Variants in LGMN observed in about 807,000 individuals in gnomAD.
LGMN encodes asparaginyl endopeptidase.
Under a neutral mutation model 56.8 loss-of-function variants are expected in LGMN, and 36 were observed. The ratio of observed to expected loss-of-function variants is 0.63; its 90% CI spans 0.49 to 0.84. The LOEUF is 0.84. LGMN is among the 40% of genes least tolerant of loss of function. The pLI is 0.00. For synonymous variants in LGMN, 199 were observed against 210.1 expected (o/e 0.95, Z 0.46); for missense variants, 446 against 556.1 (o/e 0.80, Z 1.99).
intron 2 of LGMN, among the ~76,000 whole-genome samples, chr14:92,731,861 AG>A (rs1185377469): frequency 3.3e-5 from 5 of 152,214 alleles, no homozygotes; most frequent in African/African-American, 1.2e-4. Flanking sequence ...TTAAATTTTG[AG>A]GAACTGCCAG....
rs118128989 is a variant in LGMN, at chr14:92,718,784, C to T, written c.199G>A (p.Val67Ile). The T allele has an allele frequency of 6.6e-4, 1,057 of 1,613,212 alleles. 21 individuals carry two copies. The East Asian group carries it at 0.021, about 32-fold the overall frequency. ...HRNGIPDEQI[V>I]VMMYDDIAYS... The stretch of plus-strand genomic sequence containing the variant: ...GCAATGTCATCGTACATCATCACAA[C>T]GATCTGTTCGTCAGGAATCCCATTG... The change falls in exon 3 of 14, where the codon GTT becomes ATT. Residue 67 changes from valine (V) to isoleucine (I), a missense_variant. Physicochemically the swap from Val to Ile is conservative, Grantham distance 29. Transcript: ENST00000334869.
chr14:92,743,568 A>G (rs1891668775), intron 1 of LGMN, among the ~76,000 whole-genome samples: 1 of 152,016 alleles, frequency 6.6e-6, no homozygotes, highest in African/African-American at 2.4e-5. Flanking sequence ...TTGAGAGGCC[A>G]AGGTGGGTGG....
At chr14:92,745,796 C>G (rs1271657765) in intron 1 of LGMN, among the ~76,000 whole-genome samples, 1 of 152,018 alleles carries the variant, frequency 6.6e-6, no homozygotes, top group Admixed American at 6.6e-5. Flanking sequence ...CAAAGATACA[C>G]TTGCAACCCA....
At chr14:92,729,713 G>A (rs1264379942) in intron 2 of LGMN, among the ~76,000 whole-genome samples, 2 of 152,196 alleles carry the variant, frequency 1.3e-5, no homozygotes, top group African/African-American at 4.8e-5. Flanking sequence ...AATCTGCCTA[G>A]GTTCTGTGGA....
rs188585506 is a variant in LGMN at position 92,747,510 on chromosome 14, A to T, written c.-30+979T>A. Among the ~76,000 whole-genome samples, 430 of 152,264 alleles carry T rather than the reference A, an allele frequency of 2.8e-3. 1 individual carries two copies. The highest frequency in any genetic ancestry group is 6.4e-3 in the Admixed American group (98 of 15,288). On this transcript the variant is annotated intron_variant, in intron 1 of 13. Coordinates refer to ENST00000334869, the MANE Select transcript of LGMN (RefSeq NM_005606.7). ...GTCTCAAAAACAAAACAAAACAAACAAACAGAAAAACACATAAACTCCACT... is the reference window on the plus strand; with the variant it reads ...GTCTCAAAAACAAAACAAAACAAACTAACAGAAAAACACATAAACTCCACT...
intron 1 of LGMN, among the ~76,000 whole-genome samples, chr14:92,734,247 T>C (rs1224416145): frequency 6.6e-6 from 1 of 152,230 alleles, no homozygotes; most frequent in African/African-American, 2.4e-5. Flanking sequence ...ACTGTCAGCG[T>C]TGGCCAGAGC....
chr14:92,712,066 G>T, intron 8 of LGMN, 111 bp from the exon 9 acceptor site: 1 of 817,972 alleles, frequency 1.2e-6, no homozygotes, highest in Non-Finnish European at 2.1e-6. Flanking sequence ...TGCTACTTAT[G>T]ATCCACACAG....
chr14:92,715,585 G>T (rs1890032584), intron 5 of LGMN, among the ~76,000 whole-genome samples: 1 of 152,144 alleles, frequency 6.6e-6, no homozygotes, highest in Non-Finnish European at 1.5e-5. Context: ...TATGCTACTA[G>T]AATCTCTGGC....
At chr14:92,734,121 CACTT>C (rs1341989153) in intron 1 of LGMN, among the ~76,000 whole-genome samples, 1 of 152,216 alleles carries the variant, frequency 6.6e-6, no homozygotes, top group African/African-American at 2.4e-5. Flanking sequence ...CTTTGCATCA[CACTT>C]ACAGAGCATG....
chr14:92,730,475 G>A (rs1395898938), intron 2 of LGMN, among the ~76,000 whole-genome samples: 1 of 152,106 alleles, frequency 6.6e-6, no homozygotes, highest in African/African-American at 2.4e-5. Flanking sequence ...GAGCGCAGTG[G>A]CTATGCACAG....
chr14:92,717,528 A>G (rs893142919), intron 3 of LGMN, 67 bp from the exon 4 acceptor site: 73 of 1,143,132 alleles, frequency 6.4e-5, no homozygotes, highest in Admixed American at 3.5e-5. Flanking sequence ...CTTCAAACAC[A>G]TGTATGTTAT....
intron 1 of LGMN, chr14:92,733,617 A>G (rs993878531): frequency 1.3e-5 from 2 of 152,142 alleles, no homozygotes; most frequent in Admixed American, 6.5e-5. Context: ...TCAAGACCAG[A>G]CTGGCCAACA....
chr14:92,724,578 C>T (rs1036148225), intron 2 of LGMN, among the ~76,000 whole-genome samples: 14 of 152,170 alleles, frequency 9.2e-5, no homozygotes, highest in African/African-American at 2.4e-4. Flanking sequence ...GTATTTTCCC[C>T]GCATAAGCCC....
intron 12 of LGMN, among the ~76,000 whole-genome samples, chr14:92,705,179 G>T (rs1806432896): frequency 6.6e-6 from 1 of 152,182 alleles, no homozygotes; most frequent in Admixed American, 6.5e-5. Flanking sequence ...AAAGGAAGAG[G>T]TTCACTGTGC....
chr14:92,742,857 C>A (rs1891622929), intron 1 of LGMN: 2 of 151,958 alleles, frequency 1.3e-5, no homozygotes, highest in African/African-American at 2.4e-5. Context: ...CCAGCCTGGG[C>A]AACATAGGGA....
At chr14:92,741,159 C>G (rs1891536212) in intron 1 of LGMN, 1 of 151,452 alleles carries the variant, frequency 6.6e-6, no homozygotes, top group Non-Finnish European at 1.5e-5. Context: ...TGCACTCCAG[C>G]CTGGGCAACA....
chr14:92,736,630 A>C (rs560973033), intron 1 of LGMN, among the ~76,000 whole-genome samples: 2 of 152,262 alleles, frequency 1.3e-5, no homozygotes, highest in African/African-American at 2.4e-5. Context: ...ACTTATTATT[A>C]AACTAAAAAT....
chr14:92,736,399 C>T (rs1292026846), intron 1 of LGMN, among the ~76,000 whole-genome samples: 1 of 152,034 alleles, frequency 6.6e-6, no homozygotes, highest in Admixed American at 6.6e-5. Context: ...ACTTCAAGAC[C>T]GGCCTGGGCA....
chr14:92,704,820 G>A, intron 12 of LGMN, 113 bp from the exon 13 acceptor site: 1 of 829,362 alleles, frequency 1.2e-6, no homozygotes, highest in Non-Finnish European at 2.1e-6. Context: ...GCCCTATTTT[G>A]GTTCATGGAT....
Sources: allele counts gnomAD v4.1 joint callset (sites outside exome capture counted in the v4.1 genomes callset), GRCh38; gene constraint gnomAD v4.1.1; transcripts MANE v1.5; gene names NCBI Gene and HGNC (gene_info 2026-07-23, HGNC 2026-07-21).